ZNF385D: variants seen among roughly 807,000 people sequenced by gnomAD.
ZNF385D encodes zinc finger protein 385D.
ZNF385D carries 15 observed loss-of-function variants against 35.8 expected under a neutral mutation model. The observed-to-expected ratio is 0.42, with a 90% confidence interval of 0.28 to 0.64. The LOEUF (loss-of-function observed/expected upper bound fraction) is 0.64, where lower values mean the gene tolerates loss of function less well. Ranked by LOEUF, ZNF385D falls within the 30% of genes least tolerant of loss-of-function variation. The probability of loss-of-function intolerance (pLI) is 0.23; values close to 1 mark genes in which losing one functional copy is unlikely to be tolerated. For missense variants in ZNF385D, 474 were observed against 494.6 expected (o/e 0.96, Z 0.39); for synonymous variants, 212 against 186.8 (o/e 1.13, Z -1.10).
intron 3 of ZNF385D, among the ~76,000 whole-genome samples, chr3:22,150,429 G>C (rs1004305322): frequency 1.3e-5 from 2 of 151,542 alleles, no homozygotes; most frequent in African/African-American, 2.4e-5. Context: ...TAGATGCTTG[G>C]GTTAACACCC....
chr3:21,715,487 T>C (rs964956295), intron 1 of ZNF385D, among the ~76,000 whole-genome samples: 15 of 152,204 alleles, frequency 9.9e-5, no homozygotes, highest in African/African-American at 3.6e-4. Flanking sequence ...ATTTTCTAAA[T>C]CTAATCATCC....
intron 2 of ZNF385D, among the ~76,000 whole-genome samples, chr3:22,214,194 C>A (rs6765855): frequency 0.17 from 26,426 of 152,052 alleles, 2,464 homozygotes; most frequent in African/African-American, 0.19. Flanking sequence ...ACTGCAATCT[C>A]TGAACATAAA....
chr3:22,314,956 G>A (rs932881261), intron 2 of ZNF385D, among the ~76,000 whole-genome samples: 1 of 152,040 alleles, frequency 6.6e-6, no homozygotes, highest in African/African-American at 2.4e-5. Context: ...GTGGAGTAAG[G>A]GTTAAGAAAA....
chr3:21,940,957 T>G (rs971989033), intron 3 of ZNF385D, among the ~76,000 whole-genome samples: 9 of 152,136 alleles, frequency 5.9e-5, no homozygotes, highest in Non-Finnish European at 1.3e-4. Flanking sequence ...TCATGTTTCA[T>G]CAAAGGCTGA....
At chr3:21,900,888 T>A (rs966335916) in intron 3 of ZNF385D, among the ~76,000 whole-genome samples, 2 of 152,132 alleles carry the variant, frequency 1.3e-5, no homozygotes, top group Admixed American at 1.3e-4. Context: ...TCTAATTTAG[T>A]TCATACAATA....
intron 4 of ZNF385D, among the ~76,000 whole-genome samples, chr3:21,509,188 T>C (rs1175580532): frequency 1.3e-5 from 2 of 152,150 alleles, no homozygotes; most frequent in Admixed American, 6.6e-5. Flanking sequence ...AACCCAAAGA[T>C]GAATTGTTGA....
In ZNF385D at chr3:21,818,555, A is replaced by G. The variant is rs1359846237; in HGVS notation, c.326-153527T>C. Among the ~76,000 whole-genome samples the G allele has an allele frequency of 2.6e-5, 4 of 152,268 alleles. No homozygotes were observed. In the East Asian group the frequency reaches 7.7e-4, roughly 29 times the overall value. On this transcript the variant is annotated intron_variant, in intron 3 of 5. Coordinates refer to the ZNF385D transcript ENST00000494108. ...CTATTTCTCAGAGAGATATCCCAAA[A>G]TATTTCTAGATAAAAATATAATTAC...
chr3:21,768,726 G>T (rs191004822), intron 3 of ZNF385D, among the ~76,000 whole-genome samples: 1 of 152,034 alleles, frequency 6.6e-6, no homozygotes, highest in Non-Finnish European at 1.5e-5. Flanking sequence ...CCAAGAGGTG[G>T]GTAGTTACTG....
intron 3 of ZNF385D, among the ~76,000 whole-genome samples, chr3:22,012,843 A>G (rs1696662834): frequency 6.6e-6 from 1 of 152,164 alleles, no homozygotes; most frequent in Non-Finnish European, 1.5e-5. Context: ...GCAATAGATT[A>G]CATTTATTTA....
intron 3 of ZNF385D, among the ~76,000 whole-genome samples, chr3:22,129,263 C>T (rs1703631885): frequency 6.6e-6 from 1 of 152,184 alleles, no homozygotes; most frequent in African/African-American, 2.4e-5. Flanking sequence ...GCCACCACAG[C>T]TGGGACTGTG....
In ZNF385D at chr3:21,943,343, G is replaced by A. The variant is rs561525320; in HGVS notation, c.325+225474C>T. ...GTATATATATACATATATATAGCGA[G>A]TGAGAAAGAATAAGTAATTATTTAT... On this transcript the variant is annotated intron_variant, in intron 3 of 5. Coordinates refer to the ZNF385D transcript ENST00000494108. Among the ~76,000 whole-genome samples, 23 of 151,450 alleles carry A rather than the reference G, an allele frequency of 1.5e-4. No homozygotes were observed. In the South Asian group the frequency reaches 2.1e-3, roughly 14 times the overall value.
intron 3 of ZNF385D, among the ~76,000 whole-genome samples, chr3:21,830,684 T>C (rs944386786): frequency 6.6e-6 from 1 of 151,422 alleles, no homozygotes; most frequent in African/African-American, 2.5e-5. Context: ...TTGCGGAATG[T>C]GCCTGTCAAA....
chr3:22,140,224 T>C (rs1704419692), intron 3 of ZNF385D, among the ~76,000 whole-genome samples: 1 of 152,184 alleles, frequency 6.6e-6, no homozygotes, highest in South Asian at 2.1e-4. Context: ...ACATCATCTA[T>C]ACAATGAAAT....
intron 2 of ZNF385D, among the ~76,000 whole-genome samples, chr3:22,294,514 T>C (rs1352490793): frequency 3.3e-5 from 5 of 152,152 alleles, no homozygotes; most frequent in East Asian, 1.9e-4. Context: ...GGGAATGTTT[T>C]TTATTTCCTT....
intron 3 of ZNF385D, among the ~76,000 whole-genome samples, chr3:21,537,148 T>TTTA (rs57811952): frequency 6.8e-6 from 1 of 146,280 alleles, no homozygotes; most frequent in African/African-American, 2.6e-5. Context: ...TTTTTTTTTT[T>TTTA]ATGAGATGGA....
chr3:21,822,189 A>G (rs1385828953), intron 3 of ZNF385D, among the ~76,000 whole-genome samples: 1 of 151,982 alleles, frequency 6.6e-6, no homozygotes, highest in Non-Finnish European at 1.5e-5. Flanking sequence ...CTCATGCCTC[A>G]GCCTCCCTAG....
chr3:21,451,237 T>A (rs1038608767), intron 4 of ZNF385D, among the ~76,000 whole-genome samples: 134 of 152,164 alleles, frequency 8.8e-4, no homozygotes, highest in African/African-American at 3.1e-3. Context: ...TCTGTTTCTA[T>A]TGAAGAATAT....
intron 3 of ZNF385D, among the ~76,000 whole-genome samples, chr3:21,757,396 G>T (rs564640968): frequency 1.3e-4 from 20 of 152,152 alleles, no homozygotes; most frequent in African/African-American, 4.8e-4. Context: ...GACCACCTTG[G>T]CCTCCCAAAG....
chr3:21,815,175 T>C (rs1489243291), intron 3 of ZNF385D, among the ~76,000 whole-genome samples: 3 of 152,152 alleles, frequency 2.0e-5, no homozygotes, highest in African/African-American at 7.2e-5. Flanking sequence ...CTGGGACACA[T>C]TTAAAGCAGT....
Sources: allele counts gnomAD v4.1 joint callset (sites outside exome capture counted in the v4.1 genomes callset), GRCh38; gene constraint gnomAD v4.1.1; transcripts MANE v1.5; gene names NCBI Gene and HGNC (gene_info 2026-07-23, HGNC 2026-07-21).